The following CDH23 variants were observed in gnomAD, a reference collection of about 807,000 sequenced individuals.
CDH23 encodes cadherin related 23.
A neutral mutation model predicts 317.1 loss-of-function variants in CDH23; 189 were observed. That is an observed-to-expected ratio of 0.60 (90% confidence interval 0.53 to 0.67). The LOEUF (loss-of-function observed/expected upper bound fraction) is 0.67. CDH23 is among the 30% of genes least tolerant of loss of function. The pLI, the probability that CDH23 is intolerant of heterozygous loss-of-function variation, is 0.00. For synonymous variants in CDH23, 1,839 were observed against 1,876.8 expected (o/e 0.98, Z 0.52); for missense variants, 4,401 against 4,592.4 (o/e 0.96, Z 1.20).
chr10:71,398,814 T>G (rs1417206), intron 1 of CDH23, among the ~76,000 whole-genome samples: 1 of 151,658 alleles, frequency 6.6e-6, no homozygotes, highest in Non-Finnish European at 1.5e-5. Flanking sequence ...CCCCCGTGAG[T>G]TGGGAAGGTG....
intron 3 of CDH23, among the ~76,000 whole-genome samples, chr10:71,458,288 A>G (rs375497565): frequency 1.2e-4 from 19 of 152,238 alleles, no homozygotes; most frequent in African/African-American, 4.6e-4. Context: ...CTTTGGTGCA[A>G]GGATTTCCTT....
At chr10:71,613,782 T>C (rs1406902051) in intron 9 of CDH23, among the ~76,000 whole-genome samples, 1 of 152,186 alleles carries the variant, frequency 6.6e-6, no homozygotes, top group Non-Finnish European at 1.5e-5. Context: ...ACTTCCACGG[T>C]GATTCTGGTG....
At chr10:71,686,145 A>C (rs1864874598) in intron 18 of CDH23, among the ~76,000 whole-genome samples, 1 of 152,096 alleles carries the variant, frequency 6.6e-6, no homozygotes, top group South Asian at 2.1e-4. Context: ...CGAGCCGCTG[A>C]TTTAGAACTA....
Position 71,740,912 on chromosome 10 carries a change from A to G in CDH23, c.4579A>G (p.Ile1527Val), listed in dbSNP as rs1839717302. The change falls in exon 37 of 70, where the codon ATC (isoleucine) becomes GTC (valine). Residue 1527 changes from isoleucine (I) to valine (V), a missense_variant. Physicochemically the swap from Ile to Val is conservative, Grantham distance 29. Coordinates refer to ENST00000224721, the MANE Select transcript of CDH23 (RefSeq NM_022124.6). ...GGACATCAATGACAACCCTCCAGTC[A>G]TCGAGAGCCCCTTTGGATACAATGT... ...ILDINDNPPV[I>V]ESPFGYNVSV... 6.2e-7 allele frequency: 1 copy of G among 1,614,014 alleles called. No homozygotes were observed. Among genetic ancestry groups the G allele is most frequent in the Non-Finnish European group, 8.5e-7 (1 of 1,179,896 alleles).
chr10:71,740,214 C>T (rs957513318), intron 36 of CDH23, among the ~76,000 whole-genome samples: 2 of 152,222 alleles, frequency 1.3e-5, no homozygotes, highest in Non-Finnish European at 2.9e-5. Context: ...GCCACGAAGG[C>T]TATCATTATT....
At chr10:71,554,564 C>A (rs1856779143) in intron 6 of CDH23, among the ~76,000 whole-genome samples, 1 of 152,158 alleles carries the variant, frequency 6.6e-6, no homozygotes, top group African/African-American at 2.4e-5. Flanking sequence ...TGTATGCCTC[C>A]AGCCCCTGCA....
chr10:71,713,338 C>A (rs1275766365), intron 28 of CDH23: 1 of 774,426 alleles, frequency 1.3e-6, no homozygotes, highest in Non-Finnish European at 2.4e-6. Context: ...GGGTGTGCAC[C>A]CACACCTCTG....
At chr10:71,491,450 A>G (rs1396894264) in intron 3 of CDH23, among the ~76,000 whole-genome samples, 2 of 152,204 alleles carry the variant, frequency 1.3e-5, no homozygotes, top group African/African-American at 4.8e-5. Context: ...AAATGCCCAC[A>G]GTGACCTTAG....
intron 6 of CDH23, among the ~76,000 whole-genome samples, chr10:71,553,399 G>A (rs1360660110): frequency 6.6e-6 from 1 of 152,176 alleles, no homozygotes; most frequent in Non-Finnish European, 1.5e-5. Context: ...AGGGCACCAA[G>A]TGACAGGTTC....
At chr10:71,725,155 G>A (rs545969131) in intron 29 of CDH23, among the ~76,000 whole-genome samples, 181 of 152,314 alleles carry the variant, frequency 1.2e-3, no homozygotes, top group African/African-American at 4.0e-3. Context: ...AGGCCTTCCC[G>A]GAGCAGGTGA....
chr10:71,751,736 TGCC>T lies in CDH23; in HGVS notation c.4845+9819_4845+9821del. On this transcript the variant is annotated intron_variant, in intron 38 of 69. Transcript: ENST00000224721. The surrounding 1 kb of genome is among the most constrained non-coding windows in gnomAD (Gnocchi z 4.9). ...GGGGGTGCTGGGCTCCGAAAGCAGA[TGCC>T]GCCCAGACTCAGAAGGCTGCCGCTG... 2 of 1,594,362 alleles carry T rather than the reference TGCC, an allele frequency of 1.3e-6. No individual in the cohort carries two copies. The highest frequency in any genetic ancestry group is 1.7e-6 in the Non-Finnish European group (2 of 1,170,798).
intron 6 of CDH23, among the ~76,000 whole-genome samples, chr10:71,519,273 A>G (rs1004370779): frequency 6.6e-6 from 1 of 152,140 alleles, no homozygotes; most frequent in African/African-American, 2.4e-5. Context: ...AAATGGAAGG[A>G]GATGATAGCT....
At chr10:71,494,484 G>A (rs190563320) in intron 3 of CDH23, among the ~76,000 whole-genome samples, 2 of 152,228 alleles carry the variant, frequency 1.3e-5, no homozygotes, top group African/African-American at 2.4e-5. Flanking sequence ...TGTGATCTTC[G>A]GCAAGTTGCT....
chr10:71,599,797 T>A (rs1469576944), intron 9 of CDH23, among the ~76,000 whole-genome samples: 2 of 152,150 alleles, frequency 1.3e-5, no homozygotes, highest in African/African-American at 4.8e-5. Flanking sequence ...ACGTGCTGTG[T>A]GTTGTTGACC....
chr10:71,795,839 G>A, intron 48 of CDH23: 27 of 987,752 alleles, frequency 2.7e-5, no homozygotes, highest in Non-Finnish European at 3.2e-5. Context: ...AGGCCCACAG[G>A]TTTGAGCTCT....
rs751829738 is a variant in CDH23 at position 71,813,249 on chromosome 10, G to A, written c.9639G>A (p.Ser3213=). 91 of 1,551,436 alleles carry A rather than the reference G, an allele frequency of 5.9e-5. No homozygotes were observed. Among genetic ancestry groups the A allele is most frequent in the African/African-American group, 8.2e-5 (6 of 73,054 alleles). The change falls in exon 69 of 70, where the codon TCG becomes TCA. Residue 3213 remains serine (S), a synonymous_variant. Coordinates refer to ENST00000224721, the MANE Select transcript of CDH23 (RefSeq NM_022124.6). ...TAACCCTTTCCCTCCCCCAGGGCTC[G>A]CTGCTGAAGGTGGTCCTGGAGGATT... ...QIIREGPIKG[S]LLKVVLEDYL... is the part of the protein sequence containing the mutation.
At chr10:71,609,991 T>A (rs575068368) in intron 9 of CDH23, among the ~76,000 whole-genome samples, 1,879 of 133,496 alleles carry the variant, frequency 0.014, 14 homozygotes, top group East Asian at 0.018. Context: ...TGTGTGTGTG[T>A]GTGTGAGAGA....
At chr10:71,713,285 C>T in intron 28 of CDH23, 1 of 779,386 alleles carries the variant, frequency 1.3e-6, no homozygotes, top group Middle Eastern at 2.3e-4. Context: ...CGCAACAGCT[C>T]CAAGGCTCAG....
At chr10:71,504,716 A>T (rs544175606) in intron 3 of CDH23, among the ~76,000 whole-genome samples, 11 of 152,346 alleles carry the variant, frequency 7.2e-5, no homozygotes, top group African/African-American at 2.4e-4. Context: ...CCTTTCAGTC[A>T]TCCTGGGACG....
Sources: gnomAD v4.1 joint callset for allele counts (sites outside exome capture counted in the v4.1 genomes callset) on GRCh38, gnomAD v4.1.1 for gene constraint, Gnocchi (gnomAD v3.1) non-coding constraint, MANE v1.5 for transcripts, NCBI Gene and HGNC (gene_info 2026-07-23, HGNC 2026-07-21) for gene names.